RAB7A: variants seen among roughly 807,000 people sequenced by gnomAD.
The protein encoded by RAB7A is ras-related protein Rab-7a.
A neutral mutation model predicts 24.5 loss-of-function variants in RAB7A; 2 were observed. The ratio of observed to expected loss-of-function variants is 0.08; its 90% confidence interval spans 0.03 to 0.26. The LOEUF is 0.26. RAB7A is among the 10% of genes least tolerant of loss of function. RAB7A has a pLI of 1.00. For missense variants in RAB7A, 118 were observed against 255.7 expected, an observed-to-expected ratio of 0.46 and a Z score of 3.67; for synonymous variants, 100 against 95.9, an observed-to-expected ratio of 1.04 and a Z score of -0.25.
At chr3:128,793,475 G>C (rs922098958) in intron 1 of RAB7A, among the ~76,000 whole-genome samples, 2 of 151,860 alleles carry the variant, frequency 1.3e-5, no homozygotes, top group Admixed American at 6.6e-5. Flanking sequence ...TAGTAGAGAC[G>C]GGGTTTCACC....
At chr3:128,809,035 AAAT>A (rs1382743605) in intron 5 of RAB7A, among the ~76,000 whole-genome samples, 3 of 152,156 alleles carry the variant, frequency 2.0e-5, no homozygotes, top group Non-Finnish European at 4.4e-5. Context: ...GCTTACCCCC[AAAT>A]AATAATGTTT....
At chr3:128,808,670 A>G (rs937512595) in intron 5 of RAB7A, among the ~76,000 whole-genome samples, 1 of 152,212 alleles carries the variant, frequency 6.6e-6, no homozygotes, top group African/African-American at 2.4e-5. Flanking sequence ...TGTTAGGGGC[A>G]GTGGTGATTA....
At chr3:128,797,045 C>A (rs149689904) in intron 2 of RAB7A, among the ~76,000 whole-genome samples, 391 of 152,282 alleles carry the variant, frequency 2.6e-3, no homozygotes, top group African/African-American at 9.0e-3. Flanking sequence ...TCTCTCCTAC[C>A]CCGCAACTCC....
At chr3:128,792,525 G>A (rs566345767) in intron 1 of RAB7A, among the ~76,000 whole-genome samples, 11 of 151,624 alleles carry the variant, frequency 7.3e-5, no homozygotes, top group Admixed American at 6.6e-4. Context: ...TCCTGCCTCC[G>A]CCTCCCGAGT....
intron 1 of RAB7A, among the ~76,000 whole-genome samples, chr3:128,758,735 G>A (rs924839099): frequency 1.3e-5 from 2 of 152,146 alleles, no homozygotes; most frequent in African/African-American, 4.8e-5. Context: ...AAAAGGGTTT[G>A]GAGTATATCA....
At chr3:128,742,149 C>A (rs1576271132) in intron 1 of RAB7A, among the ~76,000 whole-genome samples, 1 of 151,140 alleles carries the variant, frequency 6.6e-6, no homozygotes, top group Middle Eastern at 3.4e-3. Flanking sequence ...CTGCAGACCT[C>A]CACGGTGAGT....
At chr3:128,799,743 T>C (rs1207689193) in intron 3 of RAB7A, among the ~76,000 whole-genome samples, 1 of 152,218 alleles carries the variant, frequency 6.6e-6, no homozygotes, top group Non-Finnish European at 1.5e-5. Flanking sequence ...GCAAAGCTTG[T>C]GTCTGCAGTT....
intron 1 of RAB7A, among the ~76,000 whole-genome samples, chr3:128,767,125 G>T (rs972239814): frequency 6.6e-6 from 1 of 152,164 alleles, no homozygotes; most frequent in African/African-American, 2.4e-5. Context: ...TTGGCATTCA[G>T]ATTTGACTTA....
chr3:128,756,846 T>G (rs933647797), intron 1 of RAB7A, among the ~76,000 whole-genome samples: 5 of 132,498 alleles, frequency 3.8e-5, no homozygotes, highest in Non-Finnish European at 8.5e-5. Flanking sequence ...TTCGCTATCT[T>G]TTTTTTTTTT....
At chr3:128,800,431 G>A (rs747309132) in intron 3 of RAB7A, among the ~76,000 whole-genome samples, 1 of 152,148 alleles carries the variant, frequency 6.6e-6, no homozygotes, top group Non-Finnish European at 1.5e-5. Flanking sequence ...CTGGGTCGGG[G>A]GTTGTCATAA....
chr3:128,767,053 G>A (rs2070838820), intron 1 of RAB7A, among the ~76,000 whole-genome samples: 1 of 151,966 alleles, frequency 6.6e-6, no homozygotes, highest in African/African-American at 2.4e-5. Context: ...GATTTGCCCT[G>A]ATACCATCTC....
chr3:128,792,131 C>T (rs1490955951), intron 1 of RAB7A, among the ~76,000 whole-genome samples: 1 of 152,122 alleles, frequency 6.6e-6, no homozygotes, highest in Non-Finnish European at 1.5e-5. Flanking sequence ...GACATTAAGA[C>T]GTAAGGTGGT....
At chr3:128,798,286 A>G (rs907136934) in intron 3 of RAB7A, 7 of 486,702 alleles carry the variant, frequency 1.4e-5, no homozygotes, top group African/African-American at 3.9e-5. Context: ...GCTAAGACAC[A>G]CTAAAAAATT....
chr3:128,755,213 G>A (rs2070719313), intron 1 of RAB7A, among the ~76,000 whole-genome samples: 1 of 152,028 alleles, frequency 6.6e-6, no homozygotes, highest in Non-Finnish European at 1.5e-5. Context: ...GAAAACTGGA[G>A]ACTTTATGTA....
intron 1 of RAB7A, among the ~76,000 whole-genome samples, chr3:128,732,402 A>C (rs1283558742): frequency 6.6e-6 from 1 of 152,184 alleles, no homozygotes; most frequent in Admixed American, 6.5e-5. Context: ...GTTAAAAAAA[A>C]AAAGCTAGGA....
chr3:128,808,999 G>T (rs1351718409), intron 5 of RAB7A, among the ~76,000 whole-genome samples: 1 of 152,132 alleles, frequency 6.6e-6, no homozygotes, highest in Admixed American at 6.5e-5. Flanking sequence ...GTGGTAAGGA[G>T]CAGACCAAGA....
At chr3:128,744,780 C>G (rs2070592300) in intron 1 of RAB7A, among the ~76,000 whole-genome samples, 1 of 152,162 alleles carries the variant, frequency 6.6e-6, no homozygotes, top group Admixed American at 6.5e-5. Flanking sequence ...GTGTGTGTTT[C>G]TGCCCTGCAT....
chr3:128,797,922 A>C, intron 2 of RAB7A, 21 bp from the exon 3 acceptor site: 1 of 1,612,256 alleles, frequency 6.2e-7, no homozygotes, highest in South Asian at 1.1e-5. Flanking sequence ...ACTTATACTT[A>C]TGGTTTTTCT....
chr3:128,807,198 C>G (rs994695561), intron 4 of RAB7A, among the ~76,000 whole-genome samples: 1 of 152,202 alleles, frequency 6.6e-6, no homozygotes, highest in Non-Finnish European at 1.5e-5. Context: ...TGGGCATTTC[C>G]TGTCCTGGGA....
Sources: gnomAD v4.1 joint callset for allele counts (sites outside exome capture counted in the v4.1 genomes callset) on GRCh38, gnomAD v4.1.1 for gene constraint, MANE v1.5 for transcripts, NCBI Gene and HGNC (gene_info 2026-07-23, HGNC 2026-07-21) for gene names.